The following ADARB1 variants were observed in gnomAD, a reference collection of about 807,000 sequenced individuals.
The protein encoded by ADARB1 is adenosine deaminase RNA specific B1, also known as double-stranded RNA-specific editase 1.
In ADARB1, 10 loss-of-function variants were observed where a neutral mutation model predicts 52.4. The observed-to-expected ratio is 0.19, with a 90% CI of 0.12 to 0.32. The LOEUF is 0.32. ADARB1 is among the 10% of genes least tolerant of loss of function. The pLI, the probability that ADARB1 is intolerant of heterozygous loss-of-function variation, is 1.00. For synonymous variants in ADARB1, 349 were observed against 371.1 expected, an observed-to-expected ratio of 0.94 and a Z score of 0.68; for missense variants, 643 against 922.3, an observed-to-expected ratio of 0.70 and a Z score of 3.92.
intron 1 of ADARB1, among the ~76,000 whole-genome samples, chr21:45,079,240 T>G (rs2086061422): frequency 6.6e-6 from 1 of 152,246 alleles, no homozygotes; most frequent in African/African-American, 2.4e-5. Context: ...TGTAGCCAAC[T>G]AGATTGTGAC....
rs533457399 is a variant in ADARB1, at chr21:45,095,284, G to A, written c.-220+20491G>A. 9.2e-5 allele frequency among the ~76,000 whole-genome samples: 14 copies of A among 152,380 alleles called. No individual in the cohort carries two copies. In the South Asian group the frequency reaches 2.9e-3, roughly 32 times the overall value. ...AGGCTGCGCTCCCTGCTTGCTCTGC[G>A]TGTGATGCTCCGGCCTTTGCCGTGA... On this transcript the variant is annotated intron_variant, in intron 1 of 10. Transcript: ENST00000348831.
chr21:45,140,434 C>A (rs1880541448), intron 2 of ADARB1, among the ~76,000 whole-genome samples: 1 of 152,184 alleles, frequency 6.6e-6, no homozygotes, highest in Non-Finnish European at 1.5e-5. Context: ...TACAGGTCCG[C>A]CCCTGGCAGC....
intron 1 of ADARB1, among the ~76,000 whole-genome samples, chr21:45,090,416 A>G (rs543785714): frequency 3.3e-5 from 5 of 152,084 alleles, no homozygotes; most frequent in Non-Finnish European, 2.9e-5. Context: ...AGTGCTTAAC[A>G]CCTGGCTTTT....
chr21:45,171,798 C>T, intron 3 of ADARB1, 114 bp downstream of exon 3: 2 of 940,700 alleles, frequency 2.1e-6, no homozygotes, highest in South Asian at 1.7e-5. Flanking sequence ...TTTCCCGTAA[C>T]ATCTTCTACT....
intron 1 of ADARB1, among the ~76,000 whole-genome samples, chr21:45,089,804 G>A (rs1601281822): frequency 6.6e-6 from 1 of 152,194 alleles, no homozygotes; most frequent in African/African-American, 2.4e-5. Flanking sequence ...GTGATAAAGT[G>A]ATTGGTTTTT....
chr21:45,141,755 C>CCT (rs2089735611), intron 2 of ADARB1, among the ~76,000 whole-genome samples: 1 of 151,800 alleles, frequency 6.6e-6, no homozygotes, highest in Non-Finnish European at 1.5e-5. Context: ...CCTTAGCCAC[C>CCT]CCAGGGTCAC....
At chr21:45,147,496 G>A (rs1220263262) in intron 2 of ADARB1, among the ~76,000 whole-genome samples, 1 of 152,192 alleles carries the variant, frequency 6.6e-6, no homozygotes, top group Non-Finnish European at 1.5e-5. Flanking sequence ...TAAGGATTTT[G>A]TGCAAGGTGA....
intron 2 of ADARB1, among the ~76,000 whole-genome samples, chr21:45,156,084 C>CCACCCATCCATCAT (rs2090582531): frequency 6.6e-6 from 1 of 151,432 alleles, no homozygotes; most frequent in African/African-American, 2.5e-5. Context: ...ATCCATCCAT[C>CCACCCATCCATCAT]TACCCACCCA....
chr21:45,216,431 G>A (rs2092864469), intron 9 of ADARB1, among the ~76,000 whole-genome samples: 1 of 151,724 alleles, frequency 6.6e-6, no homozygotes. Context: ...TACTGCTTTT[G>A]TAGCATTTAA....
At chr21:45,210,639 A>T (rs866404026) in intron 9 of ADARB1, among the ~76,000 whole-genome samples, 1 of 152,154 alleles carries the variant, frequency 6.6e-6, no homozygotes, top group African/African-American at 2.4e-5. Flanking sequence ...GTCACCCTTC[A>T]CAGTGGAAGC....
In ADARB1 at chr21:45,200,787, G is replaced by A. The variant is rs905799535; in HGVS notation, c.1566-3768G>A. 5.3e-5 allele frequency among the ~76,000 whole-genome samples: 8 copies of A among 152,170 alleles called. No individual in the cohort carries two copies. Among genetic ancestry groups the A allele is most frequent in the African/African-American group, 1.7e-4 (7 of 41,442 alleles). ...TCCTGAAAGCCTGGCTGACTGGGCC[G>A]AGTGCTGTGGAGGCTGTGGTTTGGG... On this transcript the variant is annotated intron_variant, in intron 8 of 10. Coordinates refer to ENST00000348831, the MANE Select transcript of ADARB1 (RefSeq NM_001112.4). The surrounding 1 kb of genome is among the most constrained non-coding windows in gnomAD (Gnocchi z 5.0).
intron 2 of ADARB1, chr21:45,134,686 C>T (rs778051643): frequency 9.4e-6 from 4 of 426,038 alleles, no homozygotes; most frequent in Non-Finnish European, 9.3e-6. Flanking sequence ...AAGACTTGCA[C>T]AGATTTTTTT....
At chr21:45,161,077 A>G (rs548328575) in intron 2 of ADARB1, among the ~76,000 whole-genome samples, 1 of 152,330 alleles carries the variant, frequency 6.6e-6, no homozygotes, top group African/African-American at 2.4e-5. Flanking sequence ...TTTAGTCAAT[A>G]TCAGTTTTTG....
chr21:45,110,931 G>C (rs1344100865), intron 1 of ADARB1, among the ~76,000 whole-genome samples: 1 of 152,126 alleles, frequency 6.6e-6, no homozygotes, highest in African/African-American at 2.4e-5. Context: ...CCCATTCTCT[G>C]CTCTGTGAGG....
At chr21:45,113,117 G>A (rs937454092) in intron 1 of ADARB1, among the ~76,000 whole-genome samples, 1 of 152,188 alleles carries the variant, frequency 6.6e-6, no homozygotes, top group Non-Finnish European at 1.5e-5. Flanking sequence ...AAATGTGATA[G>A]TGAATTTTAA....
intron 7 of ADARB1, 75 bp downstream of exon 7, chr21:45,183,585 TC>T: frequency 6.7e-7 from 1 of 1,502,900 alleles, no homozygotes. Context: ...TGTGTTAATA[TC>T]CCTTTTCCTT....
intron 2 of ADARB1, among the ~76,000 whole-genome samples, chr21:45,148,852 C>T (rs747571424): frequency 1.3e-5 from 2 of 152,228 alleles, no homozygotes; most frequent in Non-Finnish European, 2.9e-5. Context: ...TCTCTCTCCA[C>T]CCATGCCGCC....
chr21:45,103,788 C>T (rs1010557290), intron 1 of ADARB1, among the ~76,000 whole-genome samples: 5 of 152,108 alleles, frequency 3.3e-5, no homozygotes, highest in Non-Finnish European at 5.9e-5. Context: ...AATTTTTCTT[C>T]AAATCTAAAA....
chr21:45,141,311 A>G (rs1411043662), intron 2 of ADARB1, among the ~76,000 whole-genome samples: 1 of 152,268 alleles, frequency 6.6e-6, no homozygotes, highest in African/African-American at 2.4e-5. Context: ...GCAAAAAATT[A>G]GCCTATACTC....
Sources: allele counts gnomAD v4.1 joint callset (sites outside exome capture counted in the v4.1 genomes callset), GRCh38; gene constraint gnomAD v4.1.1; non-coding constraint Gnocchi (gnomAD v3.1); transcripts MANE v1.5; gene names NCBI Gene and HGNC (gene_info 2026-07-23, HGNC 2026-07-21).